Variants in FAM228B observed in about 807,000 individuals in gnomAD.
The protein encoded by FAM228B is family with sequence similarity 228 member B.
Under a neutral mutation model 42.6 loss-of-function variants are expected in FAM228B, and 38 were observed. The ratio of observed to expected loss-of-function variants is 0.89; its 90% confidence interval spans 0.69 to 1.17. The LOEUF is 1.17. Ranked by LOEUF, FAM228B falls within the 50% of genes most tolerant of loss-of-function variation. FAM228B has a pLI of 0.00. For missense variants in FAM228B, 344 were observed against 367.3 expected, an observed-to-expected ratio of 0.94 and a Z score of 0.52; for synonymous variants, 109 against 122.3, an observed-to-expected ratio of 0.89 and a Z score of 0.72.
At chr2:24,142,246 T>C (rs1666769713) in intron 5 of FAM228B, among the ~76,000 whole-genome samples, 1 of 152,150 alleles carries the variant, frequency 6.6e-6, no homozygotes, top group Non-Finnish European at 1.5e-5. Flanking sequence ...ACAGAAAAGG[T>C]TCATCTTGCC....
chr2:24,158,662 T>G (rs1358625912), intron 7 of FAM228B, among the ~76,000 whole-genome samples: 1 of 152,122 alleles, frequency 6.6e-6, no homozygotes, highest in Non-Finnish European at 1.5e-5. Flanking sequence ...TCCACATTTT[T>G]GGTAATAAGA....
Position 24,077,271 on chromosome 2 carries a change from G to T in FAM228B, c.-290+302G>T, listed in dbSNP as rs563083462. 1.3e-5 allele frequency among the ~76,000 whole-genome samples: 2 copies of T among 152,194 alleles called. No homozygotes were observed. Among genetic ancestry groups the T allele is most frequent in the South Asian group, 4.1e-4 (2 of 4,820 alleles). On this transcript the variant is annotated intron_variant, in intron 1 of 10. Coordinates refer to the FAM228B transcript ENST00000613899. The surrounding 1 kb of genome is among the most constrained non-coding windows in gnomAD (Gnocchi z 5.5). The stretch of plus-strand genomic sequence containing the variant: ...AGGCGGAATATGTGGGGTTCTGGCG[G>T]CTTGTGTCACGGCTGACGCTGTAAC...
At chr2:24,100,500 A>T (rs2150995769) in intron 3 of FAM228B, among the ~76,000 whole-genome samples, 1 of 151,832 alleles carries the variant, frequency 6.6e-6, no homozygotes, top group South Asian at 2.1e-4. Flanking sequence ...CAGCCAACAG[A>T]CACATGAAAA....
In FAM228B at chr2:24,084,269, C is replaced by T. The variant is rs1376939568; in HGVS notation, c.-210+3314C>T. ...CCCTCCCCCGGGCTCGGCTTGGCCA[C>T]CTCCTTCACGTAGAGGTTTTCCGGT... On this transcript the variant is annotated intron_variant, in intron 2 of 10. Coordinates refer to the FAM228B transcript ENST00000613899. The surrounding 1 kb of genome is among the most constrained non-coding windows in gnomAD (Gnocchi z 8.4). The T allele has an allele frequency of 1.9e-6, 3 of 1,613,986 alleles. No individual in the cohort carries two copies. Among genetic ancestry groups the T allele is most frequent in the Non-Finnish European group, 2.5e-6 (3 of 1,179,988 alleles).
chr2:24,082,001 T>G (rs1378764978), intron 2 of FAM228B, among the ~76,000 whole-genome samples: 3 of 151,866 alleles, frequency 2.0e-5, no homozygotes, highest in Non-Finnish European at 4.4e-5. Context: ...AGCCTACTCT[T>G]TCTTTTTCTT....
chr2:24,140,071 A>G (rs1014606498), intron 5 of FAM228B, among the ~76,000 whole-genome samples: 1 of 152,074 alleles, frequency 6.6e-6, no homozygotes, highest in Admixed American at 6.6e-5. Context: ...CATTTATTTC[A>G]CCTTTGCTGC....
At chr2:24,114,460 T>C (rs1158575967) in intron 3 of FAM228B, among the ~76,000 whole-genome samples, 1 of 152,102 alleles carries the variant, frequency 6.6e-6, no homozygotes, top group Admixed American at 6.5e-5. Flanking sequence ...GGGGCATTTT[T>C]GCAAAATTAA....
chr2:24,160,693 G>T (rs748851496), intron 7 of FAM228B, among the ~76,000 whole-genome samples: 1 of 151,690 alleles, frequency 6.6e-6, no homozygotes, highest in Non-Finnish European at 1.5e-5. Context: ...TTCATACATT[G>T]CTGTACTACA....
intron 3 of FAM228B, among the ~76,000 whole-genome samples, chr2:24,097,778 C>T (rs1346604067): frequency 6.6e-6 from 1 of 152,156 alleles, no homozygotes; most frequent in Non-Finnish European, 1.5e-5. Context: ...CTGCAACAAG[C>T]AGACCTAATA....
Position 24,135,166 on chromosome 2 carries a change from C to A in FAM228B, c.147C>A (p.Tyr49Ter). 1.3e-6 allele frequency: 2 copies of A among 1,496,754 alleles called. No individual in the cohort carries two copies. The highest frequency in any genetic ancestry group is 1.3e-5 in the South Asian group (1 of 76,564). 92.7% of individuals were successfully genotyped at this position (1,496,754 alleles called of 1,614,324 possible). A position where few individuals can be genotyped will look rare whatever the true frequency, so the allele number is the denominator to read the frequency against. The change falls in exon 3 of 11, where the codon TAC becomes TAA. Residue 49 changes from tyrosine (Y) to a stop codon, truncating the protein, a stop_gained. Transcript: ENST00000615575. LOFTEE classifies it high-confidence loss of function. ...AGGCAGCTATTCAATCAATATTATA[C>A]AAAGAAAATTCTGTAATTAAGGTAA... ...DTEAAIQSIL[Y>*]KENSVIKELD...
chr2:24,087,947 A>G (rs1665298638), intron 2 of FAM228B, among the ~76,000 whole-genome samples: 1 of 152,050 alleles, frequency 6.6e-6, no homozygotes, highest in Admixed American at 6.6e-5. Flanking sequence ...GTTTTGCAAC[A>G]GTCCAGGCTG....
At chr2:24,145,407 C>T (rs1163470291) in intron 5 of FAM228B, among the ~76,000 whole-genome samples, 1 of 152,210 alleles carries the variant, frequency 6.6e-6, no homozygotes, top group Non-Finnish European at 1.5e-5. Flanking sequence ...TATACTGTTG[C>T]ACGCACCCAG....
intron 9 of FAM228B, chr2:24,166,054 A>AATATATATATATATATATATATATATAT (rs1553334356): frequency 1.2e-5 from 1 of 81,046 alleles, no homozygotes; most frequent in African/African-American, 4.0e-5. Context: ...AAAAAAAAAA[A>AATATATATATATATATATATATATATAT]ATATATATAT....
intron 9 of FAM228B, chr2:24,165,583 C>A: frequency 2.5e-6 from 1 of 392,780 alleles, no homozygotes. Context: ...TGACCCTGAT[C>A]TGGATTCTGA....
chr2:24,161,105 G>A (rs1667274482), intron 7 of FAM228B, among the ~76,000 whole-genome samples: 1 of 152,154 alleles, frequency 6.6e-6, no homozygotes, highest in Admixed American at 6.5e-5. Context: ...AGCAGTCAGT[G>A]TATAATAATA....
chr2:24,143,441 G>A (rs972677774), intron 5 of FAM228B, among the ~76,000 whole-genome samples: 3 of 152,104 alleles, frequency 2.0e-5, no homozygotes, highest in Non-Finnish European at 2.9e-5. Flanking sequence ...TGATCCGCCC[G>A]CCTTGGCCTC....
At chr2:24,140,289 A>T (rs1175785216) in intron 5 of FAM228B, among the ~76,000 whole-genome samples, 1 of 152,080 alleles carries the variant, frequency 6.6e-6, no homozygotes, top group Non-Finnish European at 1.5e-5. Flanking sequence ...AGATTCTCCC[A>T]CCTCAGCCTC....
intron 5 of FAM228B, among the ~76,000 whole-genome samples, chr2:24,144,719 A>G (rs1300485480): frequency 6.6e-6 from 1 of 152,156 alleles, no homozygotes; most frequent in Non-Finnish European, 1.5e-5. Flanking sequence ...TCTTGCACCC[A>G]GAGGACAGGC....
intron 3 of FAM228B, among the ~76,000 whole-genome samples, chr2:24,101,987 T>G (rs1388888364): frequency 2.6e-5 from 4 of 152,158 alleles, no homozygotes; most frequent in Non-Finnish European, 5.9e-5. Context: ...CGGTCCCTAT[T>G]TTTTATTTTT....
Sources: allele counts gnomAD v4.1 joint callset (sites outside exome capture counted in the v4.1 genomes callset), GRCh38; gene constraint gnomAD v4.1.1; non-coding constraint Gnocchi (gnomAD v3.1); transcripts MANE v1.5; gene names NCBI Gene and HGNC (gene_info 2026-07-23, HGNC 2026-07-21).